Variants in CCDC85C observed in about 807,000 individuals in gnomAD.
CCDC85C encodes the protein coiled-coil domain-containing protein 85C.
CCDC85C carries 18 observed loss-of-function variants against 38.3 expected under a neutral mutation model. The ratio of observed to expected loss-of-function variants is 0.47; its 90% CI spans 0.33 to 0.70. CCDC85C has a LOEUF of 0.70. CCDC85C is among the 30% of genes least tolerant of loss of function. The pLI, the probability that CCDC85C is intolerant of heterozygous loss-of-function variation, is 0.03. For synonymous variants in CCDC85C, 264 were observed against 293.8 expected (o/e 0.90, Z 1.04); for missense variants, 566 against 621.2 (o/e 0.91, Z 0.94).
intron 1 of CCDC85C, among the ~76,000 whole-genome samples, chr14:99,563,789 T>C (rs1898163563): frequency 6.6e-6 from 1 of 152,142 alleles, no homozygotes; most frequent in Non-Finnish European, 1.5e-5. Context: ...CAAAATGGCA[T>C]AGGCAGGAAG....
Position 99,576,957 on chromosome 14 carries a change from G to A in CCDC85C, c.793+26210C>T, listed in dbSNP as rs1898490393. Among the ~76,000 whole-genome samples the A allele has an allele frequency of 1.3e-5, 2 of 152,022 alleles. No individual in the cohort carries two copies. Among genetic ancestry groups the A allele is most frequent in the South Asian group, 2.1e-4 (1 of 4,814 alleles). Reference sequence around the variant, plus strand: ...CTCTCCCTCGCCCCCAGGCTGCCTGGGGGCACGGTGGACACCAGCGAATGC... The same window carrying A: ...CTCTCCCTCGCCCCCAGGCTGCCTGAGGGCACGGTGGACACCAGCGAATGC... On this transcript the variant is annotated intron_variant, in intron 1 of 5. Transcript: ENST00000380243. This position sits in a 1 kb window ranked among gnomAD's most constrained non-coding sequence, Gnocchi z 4.8.
Position 99,548,663 on chromosome 14 carries a change from G to C in CCDC85C, c.794-12575C>G, listed in dbSNP as rs147446423. ...TGAAATACTGTAGCGAGATAAAAAT[G>C]AACAAACAAGAGCCAGGCAGAGGGG... On this transcript the variant is annotated intron_variant, in intron 1 of 5. Transcript: ENST00000380243. This position sits in a 1 kb window ranked among gnomAD's most constrained non-coding sequence, Gnocchi z 4.9. 9.1e-4 allele frequency among the ~76,000 whole-genome samples: 139 copies of C among 152,196 alleles called. No individual in the cohort carries two copies. The highest frequency in any genetic ancestry group is 3.3e-3 in the African/African-American group (138 of 41,514).
At chr14:99,564,008 G>A (rs576563766) in intron 1 of CCDC85C, among the ~76,000 whole-genome samples, 1 of 152,314 alleles carries the variant, frequency 6.6e-6, no homozygotes, top group African/African-American at 2.4e-5. Context: ...TAAGCAGCCC[G>A]TTTTCCTGCA....
chr14:99,506,407 C>T lies in CCDC85C; in HGVS notation c.*8839G>A, dbSNP rs931438428. The T allele has an allele frequency of 1.3e-5, 2 of 152,596 alleles. No individual in the cohort carries two copies. Among genetic ancestry groups the T allele is most frequent in the Non-Finnish European group, 2.9e-5 (2 of 68,358 alleles). 9.5% of individuals were successfully genotyped at this position (152,596 alleles called of 1,614,324 possible). A position where few individuals can be genotyped will look rare whatever the true frequency, so the allele number is the denominator to read the frequency against. On this transcript the variant is annotated 3_prime_UTR_variant, in exon 6 of 6. Transcript: ENST00000380243. ...ACTTCCCTTGGGCTGCCTTGGAGACCTAGTGCTGTCATTGTGGATTCTGGC... is the reference window on the plus strand; with the variant it reads ...ACTTCCCTTGGGCTGCCTTGGAGACTTAGTGCTGTCATTGTGGATTCTGGC...
chr14:99,562,202 T>C (rs1489634413), intron 1 of CCDC85C, among the ~76,000 whole-genome samples: 2 of 152,084 alleles, frequency 1.3e-5, no homozygotes, highest in Non-Finnish European at 2.9e-5. Flanking sequence ...AAGCTGACCC[T>C]CTGCCCCCGG....
intron 1 of CCDC85C, among the ~76,000 whole-genome samples, chr14:99,577,902 C>A (rs1898523215): frequency 6.8e-6 from 1 of 147,416 alleles, no homozygotes; most frequent in African/African-American, 2.6e-5. Context: ...TACAGCCCAT[C>A]CTGTATCCCC....
chr14:99,548,066 G>A lies in CCDC85C; in HGVS notation c.794-11978C>T, dbSNP rs1897839345. Among the ~76,000 whole-genome samples, 1 of 152,062 alleles carries A rather than the reference G, an allele frequency of 6.6e-6. No homozygotes were observed. Among genetic ancestry groups the A allele is most frequent in the South Asian group, 2.1e-4 (1 of 4,822 alleles). On this transcript the variant is annotated intron_variant, in intron 1 of 5. Transcript: ENST00000380243. This position sits in a 1 kb window ranked among gnomAD's most constrained non-coding sequence, Gnocchi z 4.9. ...GGAACAAAAAGAACAAACCATGAAG[G>A]GAACGACCGTGAAACCCGACTATAT...
At chr14:99,591,431 T>TCCC (rs2055085039) in intron 1 of CCDC85C, among the ~76,000 whole-genome samples, 3 of 152,038 alleles carry the variant, frequency 2.0e-5, no homozygotes, top group Admixed American at 1.3e-4. Flanking sequence ...CTGCGGAGGC[T>TCCC]GCCACGGCTC....
intron 2 of CCDC85C, among the ~76,000 whole-genome samples, chr14:99,525,832 G>A (rs1056481879): frequency 3.9e-5 from 6 of 152,326 alleles, no homozygotes; most frequent in Admixed American, 2.0e-4. Context: ...CACCTGGCGC[G>A]ACTCTGGACC....
At position 99,510,846 on chromosome 14, in the gene CCDC85C, G is replaced by C. The variant is rs1897113578; in HGVS notation, c.*4400C>G. On this transcript the variant is annotated 3_prime_UTR_variant, in exon 6 of 6. Coordinates refer to ENST00000380243, the MANE Select transcript of CCDC85C (RefSeq NM_001144995.2). ...TTTCTAATCGACTTGCAGAGTAGTT[G>C]AAGTGGGTAAGCAGCAGGGTACCTT... The C allele has an allele frequency of 7.5e-7, 1 of 1,325,450 alleles. No individual in the cohort carries two copies. Among genetic ancestry groups the C allele is most frequent in the Non-Finnish European group, 9.8e-7 (1 of 1,019,922 alleles). The allele number at this position is 1,325,450 out of a possible 1,614,324, so 82.1% of individuals were successfully genotyped here.
Position 99,510,446 on chromosome 14 carries a change from A to G in CCDC85C, c.*4800T>C, listed in dbSNP as rs780139204. ...TGCCCCCCGCCTACGGCCCACCTGC[A>G]CACCTGCCCTACCACCCCCATGTCT... On this transcript the variant is annotated 3_prime_UTR_variant, in exon 6 of 6. Coordinates refer to ENST00000380243, the MANE Select transcript of CCDC85C (RefSeq NM_001144995.2). 1 of 1,516,704 alleles carries G rather than the reference A, an allele frequency of 6.6e-7. No individual in the cohort carries two copies. Among genetic ancestry groups the G allele is most frequent in the Non-Finnish European group, 8.8e-7 (1 of 1,133,888 alleles). 94.0% of individuals were successfully genotyped at this position (1,516,704 alleles called of 1,614,324 possible). A position where few individuals can be genotyped will look rare whatever the true frequency, so the allele number is the denominator to read the frequency against.
chr14:99,591,456 G>C, intron 1 of CCDC85C, among the ~76,000 whole-genome samples: 1 of 152,254 alleles, frequency 6.6e-6, no homozygotes, highest in East Asian at 1.9e-4. Flanking sequence ...GGCTCCCACG[G>C]ATGCTGAGTG....
intron 1 of CCDC85C, among the ~76,000 whole-genome samples, chr14:99,600,890 T>G (rs1239499526): frequency 6.6e-6 from 1 of 152,148 alleles, no homozygotes; most frequent in East Asian, 1.9e-4. Flanking sequence ...CCAGGTGAGG[T>G]GGCTCATGGC....
intron 1 of CCDC85C, among the ~76,000 whole-genome samples, chr14:99,593,292 G>A (rs1409272567): frequency 6.6e-6 from 1 of 152,266 alleles, no homozygotes; most frequent in South Asian, 2.1e-4. Flanking sequence ...GGAAGACAAA[G>A]AGATGCTTCC....
Position 99,556,528 on chromosome 14 carries a change from C to CT in CCDC85C, c.794-20441dup, listed in dbSNP as rs139370601. Among the ~76,000 whole-genome samples, 1,140 of 152,162 alleles carry CT rather than the reference C, an allele frequency of 7.5e-3. 8 individuals are homozygous for CT. Among genetic ancestry groups the CT allele is most frequent in the Non-Finnish European group, 0.011 (778 of 67,998 alleles). ...ACTATGCTATATGAAAGTTCTCGTTCTTTTTTTGCGACAGTATCTCACTGT... is the reference window on the plus strand; with the variant it reads ...ACTATGCTATATGAAAGTTCTCGTTCTTTTTTTTGCGACAGTATCTCACTGT... On this transcript the variant is annotated intron_variant, in intron 1 of 5. Coordinates refer to ENST00000380243, the MANE Select transcript of CCDC85C (RefSeq NM_001144995.2).
chr14:99,558,354 C>T lies in CCDC85C; in HGVS notation c.794-22266G>A, dbSNP rs1414523001. ...TTGCACATGTAGTCAAGGTAAGGTC[C>T]AGAGGAGACCACACTGTATTAGGGT... On this transcript the variant is annotated intron_variant, in intron 1 of 5. Transcript: ENST00000380243. This position sits in a 1 kb window ranked among gnomAD's most constrained non-coding sequence, Gnocchi z 4.2. Among the ~76,000 whole-genome samples, 1 of 152,218 alleles carries T rather than the reference C, an allele frequency of 6.6e-6. No homozygotes were observed. The highest frequency in any genetic ancestry group is 1.5e-5 in the Non-Finnish European group (1 of 68,048).
At chr14:99,528,136 C>T (rs1897423449) in intron 2 of CCDC85C, among the ~76,000 whole-genome samples, 1 of 152,124 alleles carries the variant, frequency 6.6e-6, no homozygotes, top group South Asian at 2.1e-4. Context: ...GGACAGAGCA[C>T]ACAGCAGCGC....
chr14:99,571,514 A>G (rs1156811554), intron 1 of CCDC85C, among the ~76,000 whole-genome samples: 1 of 152,264 alleles, frequency 6.6e-6, no homozygotes. Flanking sequence ...GCCCACAGGC[A>G]GCAGCACTGG....
chr14:99,582,410 G>A (rs141557539), intron 1 of CCDC85C, among the ~76,000 whole-genome samples: 18 of 152,308 alleles, frequency 1.2e-4, no homozygotes, highest in African/African-American at 3.8e-4. Context: ...GGAATATCAC[G>A]TGGCAAAATG....
Sources: gnomAD v4.1 joint callset for allele counts (sites outside exome capture counted in the v4.1 genomes callset) on GRCh38, gnomAD v4.1.1 for gene constraint, Gnocchi (gnomAD v3.1) non-coding constraint, MANE v1.5 for transcripts, NCBI Gene and HGNC (gene_info 2026-07-23, HGNC 2026-07-21) for gene names.